Variants in SMTN observed in about 807,000 individuals in gnomAD.
SMTN encodes smoothelin.
Under a neutral mutation model 102.0 loss-of-function variants are expected in SMTN, and 58 were observed. The ratio of observed to expected loss-of-function variants is 0.57; its 90% confidence interval spans 0.46 to 0.71. SMTN has a LOEUF of 0.71. Ranked by LOEUF, SMTN falls within the 30% of genes least tolerant of loss-of-function variation. The pLI is 0.00. For synonymous variants in SMTN, 478 were observed against 497.9 expected, an observed-to-expected ratio of 0.96 and a Z score of 0.53; for missense variants, 1,185 against 1,241.7, an observed-to-expected ratio of 0.95 and a Z score of 0.69.
chr22:31,083,476 C>T, intron 2 of SMTN, 167 bp downstream of exon 2: 1 of 810,724 alleles, frequency 1.2e-6, no homozygotes, highest in Non-Finnish European at 1.9e-6. Flanking sequence ...TGCAGAGGCC[C>T]TTGTGGCATG....
intron 1 of SMTN, among the ~76,000 whole-genome samples, chr22:31,070,697 G>T (rs147645754): frequency 0.12 from 17,823 of 151,724 alleles, 1,109 homozygotes; most frequent in African/African-American, 0.13. Context: ...GCCCAGGTGG[G>T]TGGATCACTT....
chr22:31,097,882 C>A (rs2043731715), intron 16 of SMTN, among the ~76,000 whole-genome samples: 1 of 152,120 alleles, frequency 6.6e-6, no homozygotes, highest in Non-Finnish European at 1.5e-5. Context: ...GAGGTGGATG[C>A]TCAGGGAGGC....
Position 31,091,042 on chromosome 22 carries a change from A to G in SMTN, c.1019A>G (p.Asp340Gly). The change falls in exon 10 of 21, where the codon GAT (aspartate) becomes GGT (glycine). Residue 340 changes from aspartate to glycine, a missense_variant. This residue lies in a region of SMTN where 1,096 missense variants were observed against 1,112.7 expected (regional missense o/e 0.98). Coordinates refer to ENST00000333137, the MANE Select transcript of SMTN (RefSeq NM_134269.3). ...GATCGTGTCCACAAGTTCACATCTG[A>G]TTCTCCTATGGCTGCTAGGCTCCAG... ...VRDRVHKFTS[D>G]SPMAARLQDG... is the part of the protein sequence containing the mutation. 1 of 1,613,790 alleles carries G rather than the reference A, an allele frequency of 6.2e-7. No individual in the cohort carries two copies.
chr22:31,095,602 G>A lies in SMTN; in HGVS notation c.1854G>A (p.Arg618=). The change falls in exon 13 of 21, where the codon AGG becomes AGA. Residue 618 remains arginine (R), a synonymous_variant. Coordinates refer to ENST00000333137, the MANE Select transcript of SMTN (RefSeq NM_134269.3). This position sits in a 1 kb window ranked among gnomAD's most constrained non-coding sequence, Gnocchi z 4.1. ...CTGCACTTCGTGAGCTCCGACAAAG[G>A]AAGAGAGGTAGAGAGCCAGTTGCCC... The part of the protein sequence containing the change: ...IRAALRELRQ[R]KRDQRDKERE... The A allele has an allele frequency of 6.2e-7, 1 of 1,612,910 alleles. No individual in the cohort carries two copies. Among genetic ancestry groups the A allele is most frequent in the Non-Finnish European group, 8.5e-7 (1 of 1,179,608 alleles).
Position 31,098,855 on chromosome 22 carries a change from T to C in SMTN, c.2333+15T>C, listed in dbSNP as rs369038875. 51 of 1,543,232 alleles carry C rather than the reference T, an allele frequency of 3.3e-5. No individual in the cohort carries two copies. Among genetic ancestry groups the C allele is most frequent in the African/African-American group, 4.3e-5 (3 of 69,708 alleles). On this transcript the variant is annotated intron_variant, in intron 17 of 20. Coordinates refer to ENST00000333137, the MANE Select transcript of SMTN (RefSeq NM_134269.3). ...GGCGCGGCCGGGTGAGCTGCAGAAGTGGGCTGGGCAGTGGGGGGCGGGGCG... is the reference window on the plus strand; with the variant it reads ...GGCGCGGCCGGGTGAGCTGCAGAAGCGGGCTGGGCAGTGGGGGGCGGGGCG...
rs570938955 is a variant in SMTN, at chr22:31,085,346, G to A, written c.51+2037G>A. 9.3e-6 allele frequency: 13 copies of A among 1,399,948 alleles called. No homozygotes were observed. The South Asian group carries it at 1.6e-4, about 17-fold the overall frequency. The allele number at this position is 1,399,948 out of a possible 1,614,324, so 86.7% of individuals were successfully genotyped here. A position where few individuals can be genotyped will look rare whatever the true frequency, so the allele number is the denominator to read the frequency against. ...GGGAGGGCGGTCGCAGAACCTGCGG[G>A]CCTTCAGCGCCCCCTGGCGAGGCTT... On this transcript the variant is annotated intron_variant, in intron 2 of 20. Transcript: ENST00000333137.
chr22:31,103,352 C>T (rs556273979), intron 20 of SMTN: 1 of 152,382 alleles, frequency 6.6e-6, no homozygotes, highest in South Asian at 2.1e-4. Context: ...AGAGGTCTTG[C>T]TCTGGGGGTT....
In SMTN at chr22:31,099,791, C is replaced by T; in HGVS notation, c.2498C>T (p.Ala833Val). 1 of 1,614,066 alleles carries T rather than the reference C, an allele frequency of 6.2e-7. No individual in the cohort carries two copies. The highest frequency in any genetic ancestry group is 8.5e-7 in the Non-Finnish European group (1 of 1,179,946). ...TCCTCCAGCTGGAGTGATGGGATGG[C>T]CTTCTGTGCCCTGGTGCACAACTTC... ...NFSSSWSDGM[A>V]FCALVHNFFP... The change falls in exon 19 of 21, where the codon GCC (alanine) becomes GTC (valine). Residue 833 changes from alanine to valine, a missense_variant. By Grantham distance (64) the Ala-to-Val change is moderately conservative. Around this residue, in one of 2 missense-constraint regions of SMTN, gnomAD observed 89 missense variants for 128.9 expected, o/e 0.69. Coordinates refer to ENST00000333137, the MANE Select transcript of SMTN (RefSeq NM_134269.3).
chr22:31,082,993 C>A (rs2042411462), intron 1 of SMTN, 186 bp from the exon 2 acceptor site: 1 of 1,436,668 alleles, frequency 7.0e-7, no homozygotes, highest in Admixed American at 2.0e-5. Flanking sequence ...GACCCCCTAC[C>A]CTGGGTTTGG....
chr22:31,095,528 A>G lies in SMTN; in HGVS notation c.1786-6A>G. The G allele has an allele frequency of 6.2e-7, 1 of 1,614,190 alleles. No individual in the cohort carries two copies. ...CCAGGTAGGCAATGATGGGCTCTAT[A>G]TGCAGCTGGATCAGAGCACGGACTT... On this transcript the variant is annotated splice_polypyrimidine_tract_variant and splice_region_variant and intron_variant, in intron 12 of 20. Transcript: ENST00000333137. The surrounding 1 kb of genome is among the most constrained non-coding windows in gnomAD (Gnocchi z 4.1).
chr22:31,083,133 G>A (rs1277322714), intron 1 of SMTN, 46 bp from the exon 2 acceptor site: 1 of 1,552,514 alleles, frequency 6.4e-7, no homozygotes, highest in South Asian at 1.2e-5. Flanking sequence ...AGTGCCTGTG[G>A]TTTCTGGAAG....
chr22:31,076,989 C>T (rs1292760766), upstream of SMTN, among the ~76,000 whole-genome samples: 1 of 152,228 alleles, frequency 6.6e-6, no homozygotes, highest in African/African-American at 2.4e-5. Context: ...CTAGGAGGGC[C>T]TGAAGGAGGC....
At chr22:31,070,318 C>G (rs1459582226) in intron 1 of SMTN, among the ~76,000 whole-genome samples, 1 of 152,078 alleles carries the variant, frequency 6.6e-6, no homozygotes, top group Non-Finnish European at 1.5e-5. Flanking sequence ...TGCACCAGGC[C>G]CTGCAAATTG....
At position 31,104,313 on chromosome 22, in the gene SMTN, C is replaced by A. The variant is rs761198642; in HGVS notation, c.*21-3C>A. ...CATCCAACCCCGTGCCCCCTCCCTG[C>A]AGGATGCTGGTGGACTGTGTGCCCC... On this transcript the variant is annotated splice_polypyrimidine_tract_variant and splice_region_variant and intron_variant, in intron 20 of 20. Transcript: ENST00000333137. 1.9e-6 allele frequency: 3 copies of A among 1,613,786 alleles called. No homozygotes were observed. In the African/African-American group the frequency reaches 4.0e-5, roughly 22 times the overall value.
chr22:31,087,942 C>A (rs771656001), intron 2 of SMTN, 23 bp from the exon 3 acceptor site: 37 of 1,557,664 alleles, frequency 2.4e-5, no homozygotes, highest in Non-Finnish European at 3.0e-5. Context: ...GCCAAAATGA[C>A]CTGCCTCTCG....
chr22:31,082,825 G>T, intron 1 of SMTN: 1 of 1,489,866 alleles, frequency 6.7e-7, no homozygotes, highest in Non-Finnish European at 9.0e-7. Context: ...AGACTGGAGT[G>T]CACCCCCTGG....
In SMTN at chr22:31,091,466, A is replaced by G; in HGVS notation, c.1443A>G (p.Thr481=). ...CCACAGGCCGGGTGCTGCTGCCCACAGGCAACCAGAGGGCAGGTAGGCGCC... is the reference window on the plus strand; with the variant it reads ...CCACAGGCCGGGTGCTGCTGCCCACGGGCAACCAGAGGGCAGGTAGGCGCC... ...QASTGRVLLP[T]GNQRAELTLG... Residue 481 remains threonine, a synonymous_variant, in exon 10 of 21, where the codon ACA becomes ACG. Coordinates refer to ENST00000333137, the MANE Select transcript of SMTN (RefSeq NM_134269.3). The G allele has an allele frequency of 6.6e-7, 1 of 1,520,528 alleles. No homozygotes were observed. The highest frequency in any genetic ancestry group is 8.8e-7 in the Non-Finnish European group (1 of 1,137,990). 94.2% of individuals were successfully genotyped at this position (1,520,528 alleles called of 1,614,324 possible). A position where few individuals can be genotyped will look rare whatever the true frequency, so the allele number is the denominator to read the frequency against.
chr22:31,092,815 A>G (rs1232015056), intron 11 of SMTN, among the ~76,000 whole-genome samples: 1 of 152,214 alleles, frequency 6.6e-6, no homozygotes, highest in Non-Finnish European at 1.5e-5. Context: ...CAAAGGGGAC[A>G]GGTGATGTAC....
upstream of SMTN, among the ~76,000 whole-genome samples, chr22:31,079,509 C>T (rs1003379305): frequency 6.6e-5 from 10 of 152,342 alleles, no homozygotes; most frequent in East Asian, 9.6e-4. Flanking sequence ...AGCTGGTGAC[C>T]GCCATTCAGG....
Sources: gnomAD v4.1 joint callset for allele counts (sites outside exome capture counted in the v4.1 genomes callset) on GRCh38, gnomAD v4.1.1 for gene constraint, gnomAD v4.1.1 regional missense constraint, Gnocchi (gnomAD v3.1) non-coding constraint, MANE v1.5 for transcripts, NCBI Gene and HGNC (gene_info 2026-07-23, HGNC 2026-07-21) for gene names.